The following MAN2A1 variants were observed in gnomAD, a reference collection of about 807,000 sequenced individuals.
The protein encoded by MAN2A1 is mannosidase alpha class 2A member 1, also known as alpha-mannosidase 2.
In MAN2A1, 76 loss-of-function variants were observed where a neutral mutation model predicts 142.6. The ratio of observed to expected loss-of-function variants is 0.53; its 90% CI spans 0.44 to 0.65. The LOEUF is 0.65. Ranked by LOEUF, MAN2A1 falls within the 30% of genes least tolerant of loss-of-function variation. MAN2A1 has a pLI of 0.00. For missense variants in MAN2A1, 1,311 were observed against 1,365.1 expected (o/e 0.96, Z 0.62); for synonymous variants, 559 against 473.2 (o/e 1.18, Z -2.35).
At position 109,831,733 on chromosome 5, in the gene MAN2A1, T is replaced by C. The variant is rs188741774; in HGVS notation, c.2566+7896T>C. Among the ~76,000 whole-genome samples the C allele has an allele frequency of 1.3e-3, 200 of 152,282 alleles. 2 individuals carry two copies. The highest frequency in any genetic ancestry group is 4.6e-3 in the African/African-American group (191 of 41,566). ...TTCTATTTCTCCACAGAATGTTATC[T>C]TAATGTAGTATTTTTGTGGTTCAGA... On this transcript the variant is annotated intron_variant, in intron 16 of 21. Coordinates refer to ENST00000261483, the MANE Select transcript of MAN2A1 (RefSeq NM_002372.4).
At chr5:109,859,267 A>C (rs1370489957) in intron 20 of MAN2A1, among the ~76,000 whole-genome samples, 1 of 152,226 alleles carries the variant, frequency 6.6e-6, no homozygotes, top group African/African-American at 2.4e-5. Flanking sequence ...TGTTTCTAAA[A>C]GTCCAAGCTT....
At position 109,796,733 on chromosome 5, in the gene MAN2A1, A is replaced by T. The variant is rs1753872568; in HGVS notation, c.1943+7206A>T. Among the ~76,000 whole-genome samples the T allele has an allele frequency of 2.6e-5, 4 of 152,308 alleles. No individual in the cohort carries two copies. The South Asian group carries it at 8.3e-4, about 32-fold the overall frequency. ...AATCAGAGCTGGTATAGAAGACTGAATACCAATCAGGCACAGCCACCTTGG... is the reference window on the plus strand; with the variant it reads ...AATCAGAGCTGGTATAGAAGACTGATTACCAATCAGGCACAGCCACCTTGG... On this transcript the variant is annotated intron_variant, in intron 12 of 21. Coordinates refer to ENST00000261483, the MANE Select transcript of MAN2A1 (RefSeq NM_002372.4).
chr5:109,741,607 G>C (rs543313004), intron 4 of MAN2A1, among the ~76,000 whole-genome samples: 4 of 152,116 alleles, frequency 2.6e-5, no homozygotes, highest in Admixed American at 1.3e-4. Flanking sequence ...AGAGTTCCAC[G>C]TAAGCTTTCA....
At chr5:109,705,465 C>A (rs1213693505) in intron 1 of MAN2A1, among the ~76,000 whole-genome samples, 1 of 152,080 alleles carries the variant, frequency 6.6e-6, no homozygotes, top group Non-Finnish European at 1.5e-5. Context: ...TGAGGTTGCA[C>A]GGCCTCACCC....
At chr5:109,707,921 A>G (rs1380912365) in intron 1 of MAN2A1, among the ~76,000 whole-genome samples, 1 of 152,128 alleles carries the variant, frequency 6.6e-6, no homozygotes, top group Admixed American at 6.6e-5. Flanking sequence ...TTGAAAGCCA[A>G]TTTGAGGCAT....
At chr5:109,866,226 G>A (rs577529739) in intron 21 of MAN2A1, among the ~76,000 whole-genome samples, 1 of 150,504 alleles carries the variant, frequency 6.6e-6, no homozygotes, top group South Asian at 2.2e-4. Context: ...TGAGCATTCT[G>A]ACATTAAGGC....
intron 1 of MAN2A1, among the ~76,000 whole-genome samples, chr5:109,697,146 A>G (rs573709186): frequency 6.6e-6 from 1 of 152,360 alleles, no homozygotes; most frequent in South Asian, 2.1e-4. Context: ...GATAAGATAT[A>G]TTGATTAATA....
At chr5:109,701,784 A>G (rs1420313649) in intron 1 of MAN2A1, among the ~76,000 whole-genome samples, 2 of 152,202 alleles carry the variant, frequency 1.3e-5, no homozygotes, top group Non-Finnish European at 2.9e-5. Flanking sequence ...GATCAAGGGT[A>G]ATGATGAGTG....
intron 5 of MAN2A1, among the ~76,000 whole-genome samples, chr5:109,763,862 C>T (rs1024003133): frequency 8.6e-5 from 13 of 151,286 alleles, no homozygotes; most frequent in African/African-American, 1.2e-4. Context: ...AGCACACTGG[C>T]GCCATCTCAG....
chr5:109,804,933 C>T (rs778729536), intron 12 of MAN2A1, among the ~76,000 whole-genome samples: 4 of 152,096 alleles, frequency 2.6e-5, no homozygotes, highest in Admixed American at 1.3e-4. Flanking sequence ...ATGTGTTCTT[C>T]CAAAGTTACA....
At chr5:109,850,609 A>G (rs192986569) in intron 19 of MAN2A1, among the ~76,000 whole-genome samples, 2 of 152,322 alleles carry the variant, frequency 1.3e-5, no homozygotes, top group African/African-American at 4.8e-5. Flanking sequence ...GAGTGCTGAC[A>G]GCTACTGTCT....
At chr5:109,781,050 A>T (rs1347700888) in intron 8 of MAN2A1, among the ~76,000 whole-genome samples, 1 of 152,130 alleles carries the variant, frequency 6.6e-6, no homozygotes, top group Non-Finnish European at 1.5e-5. Context: ...TGCTGCCCTC[A>T]TCTTTCATTT....
chr5:109,789,331 C>A, intron 11 of MAN2A1, 129 bp from the exon 12 acceptor site: 3 of 575,150 alleles, frequency 5.2e-6, no homozygotes, highest in Non-Finnish European at 3.0e-6. Flanking sequence ...ATTAGAAACC[C>A]CTTGATATTT....
At chr5:109,718,653 C>T (rs1751521198) in intron 3 of MAN2A1, among the ~76,000 whole-genome samples, 2 of 152,186 alleles carry the variant, frequency 1.3e-5, no homozygotes. Context: ...TTTCTCAAAG[C>T]CCCTCCACCA....
At chr5:109,798,454 A>G (rs1335819394) in intron 12 of MAN2A1, among the ~76,000 whole-genome samples, 1 of 152,148 alleles carries the variant, frequency 6.6e-6, no homozygotes, top group African/African-American at 2.4e-5. Flanking sequence ...ACCGTGTTTA[A>G]AACGGAACTC....
At chr5:109,834,279 C>T (rs768153683) in intron 16 of MAN2A1, among the ~76,000 whole-genome samples, 2 of 152,094 alleles carry the variant, frequency 1.3e-5, no homozygotes, top group African/African-American at 4.8e-5. Flanking sequence ...CAAAAAACTC[C>T]GGTGTTGTGA....
intron 5 of MAN2A1, 36 bp from the exon 6 acceptor site, chr5:109,767,499 A>G (rs748758958): frequency 4.9e-5 from 76 of 1,563,928 alleles, no homozygotes; most frequent in Middle Eastern, 1.7e-4. Flanking sequence ...TCATATATCA[A>G]TTAAAAAAAT....
intron 6 of MAN2A1, among the ~76,000 whole-genome samples, chr5:109,769,052 A>G (rs903476964): frequency 4.6e-5 from 7 of 152,172 alleles, no homozygotes; most frequent in African/African-American, 1.7e-4. Flanking sequence ...TTAGCTGCAA[A>G]AGAGTAGCGC....
At chr5:109,857,320 G>GT (rs1755650029) in intron 20 of MAN2A1, among the ~76,000 whole-genome samples, 1 of 150,846 alleles carries the variant, frequency 6.6e-6, no homozygotes, top group South Asian at 2.1e-4. Context: ...TTCTGCTGTG[G>GT]TTTTTTGTAG....
Sources: gnomAD v4.1 joint callset for allele counts (sites outside exome capture counted in the v4.1 genomes callset) on GRCh38, gnomAD v4.1.1 for gene constraint, MANE v1.5 for transcripts, NCBI Gene and HGNC (gene_info 2026-07-23, HGNC 2026-07-21) for gene names.